Variants in ABLIM1 observed in about 807,000 individuals in gnomAD.
ABLIM1 encodes actin-binding LIM protein 1.
Under a neutral mutation model 107.0 loss-of-function variants are expected in ABLIM1, and 40 were observed. The observed-to-expected ratio is 0.37, with a 90% CI of 0.29 to 0.49. The LOEUF is 0.49. Among genes scored for constraint, ABLIM1 ranks in the 20% least tolerant of loss-of-function variants. The pLI is 0.97. For synonymous variants in ABLIM1, 357 were observed against 357.3 expected, an observed-to-expected ratio of 1.00 and a Z score of 0.01; for missense variants, 857 against 1,008.5, an observed-to-expected ratio of 0.85 and a Z score of 2.04.
At chr10:114,750,035 C>T (rs969758030) in intron 1 of ABLIM1, among the ~76,000 whole-genome samples, 2 of 152,098 alleles carry the variant, frequency 1.3e-5, no homozygotes, top group African/African-American at 4.8e-5. Flanking sequence ...TAAAGTAACT[C>T]CAAACATAAG....
At chr10:114,752,399 C>A (rs747913124) in intron 1 of ABLIM1, among the ~76,000 whole-genome samples, 1 of 152,158 alleles carries the variant, frequency 6.6e-6, no homozygotes, top group Non-Finnish European at 1.5e-5. Flanking sequence ...TTGGACGCAA[C>A]CTTAAAAAGA....
At chr10:114,690,500 A>C in intron 1 of ABLIM1, 1 of 1,526,616 alleles carries the variant, frequency 6.6e-7, no homozygotes, top group Non-Finnish European at 9.1e-7. Flanking sequence ...AGCCCTTACA[A>C]CCAAATCCTT....
chr10:114,780,674 G>A, the ABLIM1 span, among the ~76,000 whole-genome samples: 1 of 152,204 alleles, frequency 6.6e-6, no homozygotes, highest in Non-Finnish European at 1.5e-5. Flanking sequence ...TTGGTCTGTT[G>A]GGCCCAGTGC....
At chr10:114,729,720 C>T (rs2082034231) in intron 1 of ABLIM1, among the ~76,000 whole-genome samples, 1 of 152,116 alleles carries the variant, frequency 6.6e-6, no homozygotes, top group Non-Finnish European at 1.5e-5. Flanking sequence ...CTGAAGTTTG[C>T]TAGGCAAAAC....
intron 1 of ABLIM1, chr10:114,767,927 C>T (rs896782151): frequency 3.1e-6 from 1 of 325,538 alleles, no homozygotes; most frequent in East Asian, 1.5e-4. Flanking sequence ...CCCCCGGCAG[C>T]CCCGAGCCCG....
rs2059249982 is a variant in ABLIM1 at position 114,435,200 on chromosome 10, G to A, written c.*1060C>T. On this transcript the variant is annotated 3_prime_UTR_variant, in exon 23 of 23. Coordinates refer to ENST00000533213, the MANE Select transcript of ABLIM1 (RefSeq NM_002313.7). The stretch of plus-strand genomic sequence containing the variant: ...TTTGGAGTTGCAGAGATTTAAAAGA[G>A]AAAAACATGTCTTTCCTTAGCCTAT... 1 of 152,272 alleles carries A rather than the reference G, an allele frequency of 6.6e-6. No individual in the cohort carries two copies. Among genetic ancestry groups the A allele is most frequent in the South Asian group, 2.1e-4 (1 of 4,832 alleles). The allele number at this position is 152,272 out of a possible 1,614,324, so 9.4% of individuals were successfully genotyped here.
chr10:114,463,194 CG>C (rs1565379763), intron 12 of ABLIM1: 1 of 1,219,054 alleles, frequency 8.2e-7, no homozygotes, highest in South Asian at 1.5e-5. Context: ...GGGCAGGGCA[CG>C]GTGGAAACAG....
chr10:114,626,248 A>G (rs924213181), intron 1 of ABLIM1, among the ~76,000 whole-genome samples: 1 of 152,168 alleles, frequency 6.6e-6, no homozygotes, highest in African/African-American at 2.4e-5. Flanking sequence ...ATGTGGCAGG[A>G]AGGGGCTACT....
intron 7 of ABLIM1, among the ~76,000 whole-genome samples, chr10:114,490,215 G>A (rs1427988400): frequency 6.6e-6 from 1 of 152,186 alleles, no homozygotes; most frequent in East Asian, 1.9e-4. Flanking sequence ...TATAAATCCC[G>A]CATGAGGCCA....
In ABLIM1 at chr10:114,632,746, C is replaced by T. The variant is rs114437046; in HGVS notation, c.244+25211G>A. 1.4e-3 allele frequency: 1,343 copies of T among 985,364 alleles called. 14 individuals carry two copies. In the African/African-American group the frequency reaches 0.022, roughly 16 times the overall value. 61.0% of individuals were successfully genotyped at this position (985,364 alleles called of 1,614,324 possible). On this transcript the variant is annotated intron_variant, in intron 1 of 22. Transcript: ENST00000533213. ...GGGGATTTTGACTTCCCCCTTCTCC[C>T]TCTGTTTCATCGGAGTTTTTAGACA...
chr10:114,491,274 T>C (rs1192027279), intron 7 of ABLIM1, among the ~76,000 whole-genome samples: 1 of 151,786 alleles, frequency 6.6e-6, no homozygotes, highest in African/African-American at 2.4e-5. Flanking sequence ...ATCAACTTAA[T>C]GGGGTGAAAC....
At chr10:114,666,210 A>C (rs2080019760) in intron 1 of ABLIM1, among the ~76,000 whole-genome samples, 1 of 152,168 alleles carries the variant, frequency 6.6e-6, no homozygotes, top group Admixed American at 6.5e-5. Flanking sequence ...TACCTACAAC[A>C]TAATTTTCTG....
At chr10:114,737,766 A>G (rs2082208777) in intron 1 of ABLIM1, among the ~76,000 whole-genome samples, 1 of 152,188 alleles carries the variant, frequency 6.6e-6, no homozygotes, top group Non-Finnish European at 1.5e-5. Flanking sequence ...TCAAATGATT[A>G]TGGTCTCAGG....
chr10:114,568,420 C>T (rs1208464233), intron 4 of ABLIM1, among the ~76,000 whole-genome samples: 2 of 152,012 alleles, frequency 1.3e-5, no homozygotes, highest in African/African-American at 4.8e-5. Context: ...TTTAAAAAGT[C>T]ATAAAAGAGG....
chr10:114,739,043 A>T (rs561959564), intron 1 of ABLIM1, among the ~76,000 whole-genome samples: 1 of 152,348 alleles, frequency 6.6e-6, no homozygotes, highest in South Asian at 2.1e-4. Flanking sequence ...TCATTAACTG[A>T]ATAGAAACAA....
At chr10:114,440,851 T>G (rs781174866) in intron 19 of ABLIM1, 166 bp downstream of exon 19, 1 of 742,610 alleles carries the variant, frequency 1.3e-6, no homozygotes, top group Non-Finnish European at 2.4e-6. Context: ...TCATTAGATA[T>G]TCTTTGAAAT....
At chr10:114,491,481 T>C (rs1442152421) in intron 7 of ABLIM1, among the ~76,000 whole-genome samples, 1 of 151,818 alleles carries the variant, frequency 6.6e-6, no homozygotes, top group East Asian at 1.9e-4. Flanking sequence ...CTGGGGAGAG[T>C]TGGAGAGGAG....
intron 6 of ABLIM1, among the ~76,000 whole-genome samples, chr10:114,542,660 C>CCA (rs2066851248): frequency 6.6e-6 from 1 of 151,992 alleles, no homozygotes; most frequent in African/African-American, 2.4e-5. Context: ...CAAGTTGCCC[C>CCA]AACTCAACAG....
intron 1 of ABLIM1, among the ~76,000 whole-genome samples, chr10:114,628,799 G>A (rs772898225): frequency 3.3e-5 from 5 of 151,992 alleles, no homozygotes; most frequent in Non-Finnish European, 7.4e-5. Context: ...TTTATTTTCT[G>A]TAACAAAAAT....
Sources: allele counts gnomAD v4.1 joint callset (sites outside exome capture counted in the v4.1 genomes callset), GRCh38; gene constraint gnomAD v4.1.1; transcripts MANE v1.5; gene names NCBI Gene and HGNC (gene_info 2026-07-23, HGNC 2026-07-21).